RBM4B: variants seen among roughly 807,000 people sequenced by gnomAD.
The protein encoded by RBM4B is RNA-binding protein 4B.
RBM4B carries 13 observed loss-of-function variants against 28.5 expected under a neutral mutation model. The ratio of observed to expected loss-of-function variants is 0.46; its 90% CI spans 0.30 to 0.72. The LOEUF is 0.72. Ranked by LOEUF, RBM4B falls within the 30% of genes least tolerant of loss-of-function variation. RBM4B has a pLI of 0.09. For missense variants in RBM4B, 387 were observed against 477.6 expected (o/e 0.81, Z 1.77); for synonymous variants, 167 against 179.1 (o/e 0.93, Z 0.54).
intron 3 of RBM4B, 32 bp from the exon 4 acceptor site, chr11:66,665,610 C>T (rs1382021889): frequency 6.5e-7 from 1 of 1,535,880 alleles, no homozygotes. Flanking sequence ...GAGGCTTACA[C>T]AATGCCTGGA....
At position 66,665,283 on chromosome 11, in the gene RBM4B, G is replaced by T. The variant is rs1590877218; in HGVS notation, c.*305C>A. Reference sequence around the variant, plus strand: ...GCAGGGAGAAGGATTCAACTCCTAGGGAAAGCAAGATAAGAGGGGTTCCAC... The same window carrying T: ...GCAGGGAGAAGGATTCAACTCCTAGTGAAAGCAAGATAAGAGGGGTTCCAC... On this transcript the variant is annotated 3_prime_UTR_variant, in exon 4 of 4. Transcript: ENST00000310046. 2 of 423,278 alleles carry T rather than the reference G, an allele frequency of 4.7e-6. No homozygotes were observed. Among genetic ancestry groups the T allele is most frequent in the East Asian group, 9.0e-5 (2 of 22,308 alleles). 26.2% of individuals were successfully genotyped at this position (423,278 alleles called of 1,614,324 possible).
In RBM4B at chr11:66,676,776, C is replaced by T. The variant is rs1336450208; in HGVS notation, c.304G>A (p.Gly102Ser). ...ACGATGTCACATTCGATGACCGGAC[C>T]ATACTCCTCAAACTTGGCTCGAAGC... ...QELRAKFEEY[G>S]PVIECDIVKD... is the part of the protein sequence containing the mutation. The change falls in exon 2 of 4, where the codon GGT (glycine) becomes AGT (serine). Residue 102 changes from glycine to serine, a missense_variant. Transcript: ENST00000310046. 3 of 1,614,138 alleles carry T rather than the reference C, an allele frequency of 1.9e-6. No homozygotes were observed. Among genetic ancestry groups the T allele is most frequent in the Non-Finnish European group, 1.7e-6 (2 of 1,180,032 alleles).
intron 3 of RBM4B, chr11:66,665,984 T>C (rs1191952457): frequency 7.4e-6 from 11 of 1,489,936 alleles, no homozygotes; most frequent in East Asian, 7.4e-5. Flanking sequence ...ATATGGCGAA[T>C]TGCACTATTC....
Position 66,665,674 on chromosome 11 carries a change from G to A in RBM4B, c.*10-96C>T, listed in dbSNP as rs562785272. On this transcript the variant is annotated intron_variant, in intron 3 of 3. Transcript: ENST00000310046. ...CTGGGTCCTGTCCTGTATTCCGGGG[G>A]GAAAAAAAAGAACAAAACAAAACCA... 8 of 1,510,334 alleles carry A rather than the reference G, an allele frequency of 5.3e-6. No homozygotes were observed. In the South Asian group the frequency reaches 1.0e-4, roughly 19 times the overall value. 93.6% of individuals were successfully genotyped at this position (1,510,334 alleles called of 1,614,324 possible).
intron 2 of RBM4B, chr11:66,675,741 G>C (rs193021931): frequency 5.9e-5 from 9 of 152,332 alleles, no homozygotes; most frequent in African/African-American, 2.2e-4. Context: ...GTTCTATGAT[G>C]ATGGAAATGT....
chr11:66,669,375 T>C, intron 2 of RBM4B, 84 bp from the exon 3 acceptor site: 1 of 1,352,000 alleles, frequency 7.4e-7, no homozygotes, highest in Non-Finnish European at 1.0e-6. Context: ...GTAAATTAGT[T>C]GTCATAAGAC....
rs749778270 is a variant in RBM4B, at chr11:66,669,169, G to C, written c.535C>G (p.Arg179Gly). ...GHWSKECPVD[R>G]TGRVADFTEQ... ...GTAAAGTCTGCCACACGACCCGTAC[G>C]ATCTACTGGGCACTCTTTGGACCAG... Residue 179 changes from arginine (R) to glycine (G), a missense_variant, in exon 3 of 4, where the codon CGT becomes GGT. By Grantham distance (125) the Arg-to-Gly change is moderately radical (BLOSUM62 -2). Transcript: ENST00000310046. 29 of 1,614,042 alleles carry C rather than the reference G, an allele frequency of 1.8e-5. No individual in the cohort carries two copies. Among genetic ancestry groups the C allele is most frequent in the Non-Finnish European group, 2.3e-5 (27 of 1,180,038 alleles).
chr11:66,672,498 AT>A (rs551111886), intron 2 of RBM4B, among the ~76,000 whole-genome samples: 9 of 136,954 alleles, frequency 6.6e-5, no homozygotes, highest in East Asian at 2.4e-4. Flanking sequence ...ATTTTTATTA[AT>A]TTTTTTGGGG....
At chr11:66,673,832 A>T (rs1939548912) in intron 2 of RBM4B, among the ~76,000 whole-genome samples, 1 of 152,178 alleles carries the variant, frequency 6.6e-6, no homozygotes, top group African/African-American at 2.4e-5. Flanking sequence ...AACGTGTCAA[A>T]CTGGTATCCA....
rs1467460784 is a variant in RBM4B at position 66,677,064 on chromosome 11, T to A, written c.16A>T (p.Ile6Phe). 1 of 1,613,772 alleles carries A rather than the reference T, an allele frequency of 6.2e-7. No homozygotes were observed. The highest frequency in any genetic ancestry group is 8.5e-7 in the Non-Finnish European group (1 of 1,179,790). ...GTAGCCTCCCGGGGAAGGTTTCCGA[T>A]GAACAGCTTCACCATCCTGACAAGA... MVKLF[I>F]GNLPREATEQ... Residue 6 changes from isoleucine (I) to phenylalanine (F), a missense_variant, in exon 2 of 4, where the codon ATC becomes TTC. Coordinates refer to ENST00000310046, the MANE Select transcript of RBM4B (RefSeq NM_031492.4).
intron 3 of RBM4B, 102 bp from the exon 4 acceptor site, chr11:66,665,680 AAAAG>A (rs1939201094): frequency 6.6e-7 from 1 of 1,514,270 alleles, no homozygotes; most frequent in Non-Finnish European, 8.8e-7. Context: ...GGGGGGAAAA[AAAAG>A]AACAAAACAA....
chr11:66,669,981 G>A (rs574988426), intron 2 of RBM4B, among the ~76,000 whole-genome samples: 20 of 152,302 alleles, frequency 1.3e-4, no homozygotes, highest in African/African-American at 3.9e-4. Flanking sequence ...CAAAACCTCA[G>A]TTAAGCCAGA....
intron 3 of RBM4B, chr11:66,667,097 A>G (rs1259627480): frequency 1.3e-5 from 2 of 152,100 alleles, no homozygotes; most frequent in Non-Finnish European, 2.9e-5. Context: ...TACCAAAGGG[A>G]TAAGTTAGGA....
rs762063147 is a variant in RBM4B, at chr11:66,665,263, G to T, written c.*325C>A. ...AAAGGAGATGCTGCAGGTAGGCAGG[G>T]AGAAGGATTCAACTCCTAGGGAAAG... is the stretch of plus-strand genomic sequence containing the variant. On this transcript the variant is annotated 3_prime_UTR_variant, in exon 4 of 4. Coordinates refer to ENST00000310046, the MANE Select transcript of RBM4B (RefSeq NM_031492.4). 1.9e-5 allele frequency: 7 copies of T among 369,288 alleles called. No homozygotes were observed. Among genetic ancestry groups the T allele is most frequent in the Non-Finnish European group, 3.5e-5 (7 of 201,920 alleles). 22.9% of individuals were successfully genotyped at this position (369,288 alleles called of 1,614,324 possible).
rs780114256 is a variant in RBM4B at position 66,668,649 on chromosome 11, T to C, written c.1055A>G (p.Asp352Gly). ...TTAAAAGGCTGAGTACCGGGCTCGG[T>C]CCACATACTGCTCCCGTTCATACCG... ...MARYEREQYVDRARYSAF is the reference protein window; with the variant it reads ...MARYEREQYVGRARYSAF Residue 352 changes from aspartate (D) to glycine (G), a missense_variant, in exon 3 of 4, where the codon GAC (aspartate) becomes GGC (glycine). Physicochemically the swap from Asp to Gly is moderately conservative, Grantham distance 94. Coordinates refer to ENST00000310046, the MANE Select transcript of RBM4B (RefSeq NM_031492.4). 5 of 1,610,736 alleles carry C rather than the reference T, an allele frequency of 3.1e-6. No individual in the cohort carries two copies. In the East Asian group the frequency reaches 1.1e-4, roughly 36 times the overall value.
intron 2 of RBM4B, among the ~76,000 whole-genome samples, chr11:66,672,932 G>A (rs1427439398): frequency 1.3e-5 from 2 of 152,172 alleles, no homozygotes; most frequent in African/African-American, 4.8e-5. Flanking sequence ...CTTGGACAAA[G>A]TAGGCCAAAA....
In RBM4B at chr11:66,672,342, G is replaced by A. The variant is rs556913635; in HGVS notation, c.413-3051C>T. Among the ~76,000 whole-genome samples the A allele has an allele frequency of 1.7e-4, 25 of 148,310 alleles. 1 individual carries two copies. The South Asian group carries it at 5.0e-3, about 30-fold the overall frequency. ...CAAGAATCACTTGAACCCGGGAGGC[G>A]GAGGCTGCAGTGAGCTGAGATTGTG... On this transcript the variant is annotated intron_variant, in intron 2 of 3. Transcript: ENST00000310046.
Position 66,670,642 on chromosome 11 carries a change from C to G in RBM4B, c.413-1351G>C, listed in dbSNP as rs1344251377. 2.0e-5 allele frequency among the ~76,000 whole-genome samples: 3 copies of G among 152,214 alleles called. No homozygotes were observed. The East Asian group carries it at 5.8e-4, about 29-fold the overall frequency. On this transcript the variant is annotated intron_variant, in intron 2 of 3. Transcript: ENST00000310046. ...TGGCATTATTTAGTCCCAGGTTGCA[C>G]AAGACTCTCCTGGAGATCAAGTCAG...
At chr11:66,670,368 G>C (rs535436735) in intron 2 of RBM4B, among the ~76,000 whole-genome samples, 22 of 152,094 alleles carry the variant, frequency 1.4e-4, no homozygotes, top group African/African-American at 5.3e-4. Context: ...ATTTCATCCT[G>C]CCATGTAACT....
Sources: allele counts gnomAD v4.1 joint callset (sites outside exome capture counted in the v4.1 genomes callset), GRCh38; gene constraint gnomAD v4.1.1; transcripts MANE v1.5; gene names NCBI Gene and HGNC (gene_info 2026-07-23, HGNC 2026-07-21).